Variants in IGFL2 observed in about 807,000 individuals in gnomAD.
The protein encoded by IGFL2 is IGF like family member 2.
A neutral mutation model predicts 13.9 loss-of-function variants in IGFL2; 7 were observed. That is an observed-to-expected ratio of 0.51 (90% CI 0.29 to 0.95). The LOEUF (loss-of-function observed/expected upper bound fraction) is 0.95. Ranked by LOEUF, IGFL2 falls within the 40% of genes least tolerant of loss-of-function variation. The pLI, the probability that IGFL2 is intolerant of heterozygous loss-of-function variation, is 0.08. For synonymous variants in IGFL2, 55 were observed against 55.8 expected, an observed-to-expected ratio of 0.99 and a Z score of 0.07; for missense variants, 138 against 147.8, an observed-to-expected ratio of 0.93 and a Z score of 0.34.
the IGFL2 span, among the ~76,000 whole-genome samples, chr19:46,194,852 ATTTTTTTTT>A: frequency 1.6e-4 from 5 of 31,586 alleles, no homozygotes; most frequent in Admixed American, 4.8e-4. Flanking sequence ...ATATATATAT[ATTTTTTTTT>A]TTTTTTTTTT....
At chr19:46,154,835 G>A (rs115072877) in intron 1 of IGFL2, among the ~76,000 whole-genome samples, 53 of 151,934 alleles carry the variant, frequency 3.5e-4, no homozygotes, top group African/African-American at 1.0e-3. Flanking sequence ...ATTTTTGTAC[G>A]GTGTTCTTAG....
the IGFL2 span, among the ~76,000 whole-genome samples, chr19:46,201,992 G>A: frequency 1.3e-5 from 2 of 152,296 alleles, no homozygotes; most frequent in East Asian, 1.9e-4. Flanking sequence ...AAGGATTATA[G>A]GGTGGGAGAG....
At chr19:46,102,836 T>A in the IGFL2 span, among the ~76,000 whole-genome samples, 2 of 151,992 alleles carry the variant, frequency 1.3e-5, no homozygotes, top group Non-Finnish European at 2.9e-5. Context: ...TTGGGGGTGG[T>A]ATGGAGAGAT....
chr19:46,213,873 T>C, the IGFL2 span: 1 of 153,450 alleles, frequency 6.5e-6, no homozygotes, highest in African/African-American at 2.4e-5. Context: ...TCTCATTTGG[T>C]CATTTAAACG....
chr19:46,191,185 C>T, the IGFL2 span, among the ~76,000 whole-genome samples: 2,140 of 152,044 alleles, frequency 0.014, 56 homozygotes, highest in African/African-American at 0.047. Flanking sequence ...AATCATACTT[C>T]TAGTATAATT....
At chr19:46,127,730 A>G in the IGFL2 span, among the ~76,000 whole-genome samples, 94 of 152,194 alleles carry the variant, frequency 6.2e-4, 1 homozygote, top group African/African-American at 2.2e-3. Context: ...GACAGACTGC[A>G]TGCAATTTCT....
chr19:46,166,619 A>G, the IGFL2 span, among the ~76,000 whole-genome samples: 1 of 152,198 alleles, frequency 6.6e-6, no homozygotes, highest in African/African-American at 2.4e-5. Context: ...TGGGAGCGCT[A>G]TGGGAGACTG....
chr19:46,193,820 G>A, the IGFL2 span, among the ~76,000 whole-genome samples: 1 of 152,066 alleles, frequency 6.6e-6, no homozygotes, highest in Non-Finnish European at 1.5e-5. Context: ...ACCGCTCTCG[G>A]GTCTAGGCTG....
chr19:46,079,627 A>G, the IGFL2 span, among the ~76,000 whole-genome samples: 4 of 152,090 alleles, frequency 2.6e-5, no homozygotes, highest in East Asian at 7.7e-4. Flanking sequence ...CCTGAATGGC[A>G]GGTACTCATC....
At chr19:46,202,940 A>G in the IGFL2 span, 1 of 152,224 alleles carries the variant, frequency 6.6e-6, no homozygotes, top group Non-Finnish European at 1.5e-5. Context: ...CCGGTCTCCC[A>G]AAGGAGTCCT....
At chr19:46,124,621 T>C in the IGFL2 span, 1 of 1,608,024 alleles carries the variant, frequency 6.2e-7, no homozygotes, top group Non-Finnish European at 8.5e-7. Flanking sequence ...GGGGTCCTAC[T>C]TGCCCAAGAT....
chr19:46,117,770 C>T, the IGFL2 span, among the ~76,000 whole-genome samples: 3 of 152,136 alleles, frequency 2.0e-5, no homozygotes, highest in East Asian at 1.9e-4. Context: ...TGAGCCACCG[C>T]GCCCGGACTA....
At chr19:46,090,461 T>G in the IGFL2 span, among the ~76,000 whole-genome samples, 1 of 152,222 alleles carries the variant, frequency 6.6e-6, no homozygotes, top group African/African-American at 2.4e-5. Flanking sequence ...CTGCATATTT[T>G]AAGAAGTAGG....
the IGFL2 span, among the ~76,000 whole-genome samples, chr19:46,082,308 C>T: frequency 6.6e-6 from 1 of 152,160 alleles, no homozygotes; most frequent in African/African-American, 2.4e-5. Flanking sequence ...AGAAGTTTAA[C>T]TGTCTACAAG....
chr19:46,180,925 C>T, the IGFL2 span, among the ~76,000 whole-genome samples: 30 of 152,288 alleles, frequency 2.0e-4, no homozygotes, highest in East Asian at 2.7e-3. Flanking sequence ...GGCTGGCAGC[C>T]GATTGGATGG....
the IGFL2 span, among the ~76,000 whole-genome samples, chr19:46,089,059 T>C: frequency 6.6e-6 from 1 of 152,224 alleles, no homozygotes. Flanking sequence ...GTTTCTTTCT[T>C]CCTGTCTTAC....
upstream of IGFL2, among the ~76,000 whole-genome samples, chr19:46,144,860 G>A (rs1296231290): frequency 6.6e-6 from 1 of 152,116 alleles, no homozygotes; most frequent in African/African-American, 2.4e-5. Context: ...TCACAGGAAA[G>A]GCTAAGTTGA....
chr19:46,172,453 G>A, the IGFL2 span, among the ~76,000 whole-genome samples: 1 of 152,172 alleles, frequency 6.6e-6, no homozygotes, highest in African/African-American at 2.4e-5. Context: ...TGAGGTGTTT[G>A]CTGAGAGCAT....
the IGFL2 span, chr19:46,136,955 T>A: frequency 7.5e-7 from 1 of 1,340,470 alleles, no homozygotes; most frequent in Non-Finnish European, 1.1e-6. Flanking sequence ...TGTTGGCTGC[T>A]ACCTGCTGTA....
Sources: allele counts gnomAD v4.1 joint callset (sites outside exome capture counted in the v4.1 genomes callset), GRCh38; gene constraint gnomAD v4.1.1; transcripts MANE v1.5; gene names NCBI Gene and HGNC (gene_info 2026-07-23, HGNC 2026-07-21).